PIGF: variants seen among roughly 807,000 people sequenced by gnomAD.
The protein encoded by PIGF is phosphatidylinositol glycan anchor biosynthesis class F.
Under a neutral mutation model 26.0 loss-of-function variants are expected in PIGF, and 23 were observed. The ratio of observed to expected loss-of-function variants is 0.88; its 90% CI spans 0.64 to 1.25. The LOEUF is 1.25. Among genes scored for constraint, PIGF ranks in the 50% most tolerant of loss-of-function variants. PIGF has a pLI of 0.00. For synonymous variants in PIGF, 93 were observed against 92.6 expected (o/e 1.00, Z -0.03); for missense variants, 278 against 249.9 (o/e 1.11, Z -0.76).
At position 46,598,529 on chromosome 2, in the gene PIGF, A is replaced by ATTTTTTTTTT. The variant is rs747263045; in HGVS notation, c.438-5956_438-5947dup. 6.9e-4 allele frequency among the ~76,000 whole-genome samples: 71 copies of ATTTTTTTTTT among 103,502 alleles called. 6 individuals are homozygous for ATTTTTTTTTT. The highest frequency in any genetic ancestry group is 2.9e-3 in the African/African-American group (65 of 22,398). The allele number at this position is 103,502 out of a possible 152,430, so 67.9% of individuals were successfully genotyped here. A position where few individuals can be genotyped will look rare whatever the true frequency, so the allele number is the denominator to read the frequency against. On this transcript the variant is annotated intron_variant, in intron 4 of 5. Coordinates refer to ENST00000281382, the MANE Select transcript of PIGF (RefSeq NM_002643.4). Reference sequence around the variant, plus strand: ...ATAAACTTTCTTAAAACATTATGAGATTTTTTTTTTTTTTTTTTTTTTTTA... The same window carrying ATTTTTTTTTT: ...ATAAACTTTCTTAAAACATTATGAGATTTTTTTTTTTTTTTTTTTTTTTTTTTTTTTTTTA...
chr2:46,589,659 A>C lies in PIGF; in HGVS notation c.546+2816T>G, dbSNP rs532174242. Among the ~76,000 whole-genome samples, 4 of 152,130 alleles carry C rather than the reference A, an allele frequency of 2.6e-5. No individual in the cohort carries two copies. In the South Asian group the frequency reaches 8.3e-4, roughly 32 times the overall value. ...TGGGCTACAAGGAACACAGAACAAG[A>C]ATCTCTTAATACATGTTCTATTTTA... On this transcript the variant is annotated intron_variant, in intron 5 of 5. Coordinates refer to ENST00000281382, the MANE Select transcript of PIGF (RefSeq NM_002643.4). The surrounding 1 kb of genome is among the most constrained non-coding windows in gnomAD (Gnocchi z 4.7).
At chr2:46,582,064 G>T (rs1669404530) in intron 5 of PIGF, 1 of 155,100 alleles carries the variant, frequency 6.4e-6, no homozygotes, top group African/African-American at 2.4e-5. Flanking sequence ...CATGAAAATT[G>T]TAACAGAGCA....
chr2:46,601,186 T>G (rs1322207211), intron 4 of PIGF, among the ~76,000 whole-genome samples: 2 of 152,098 alleles, frequency 1.3e-5, no homozygotes, highest in Non-Finnish European at 2.9e-5. Flanking sequence ...CTACGGTTAT[T>G]GGCTAATTTT....
At chr2:46,615,436 G>T in intron 1 of PIGF, 1 of 297,946 alleles carries the variant, frequency 3.4e-6, no homozygotes, top group South Asian at 4.1e-5. Context: ...CTTAAATATT[G>T]TGACTGGTTT....
At chr2:46,600,593 G>A (rs1225369959) in intron 4 of PIGF, among the ~76,000 whole-genome samples, 1 of 152,040 alleles carries the variant, frequency 6.6e-6, no homozygotes, top group East Asian at 1.9e-4. Context: ...TCAATGATTA[G>A]GAAAACTCAA....
intron 4 of PIGF, among the ~76,000 whole-genome samples, chr2:46,599,163 G>GT (rs1265469378): frequency 6.6e-6 from 1 of 152,198 alleles, no homozygotes; most frequent in Non-Finnish European, 1.5e-5. Context: ...AACAGGCTCA[G>GT]TATCTGGGGA....
chr2:46,615,141 T>A lies in PIGF; in HGVS notation c.24A>T (p.Arg8Ser). 1.3e-6 allele frequency: 2 copies of A among 1,527,958 alleles called. No individual in the cohort carries two copies. Among genetic ancestry groups the A allele is most frequent in the East Asian group, 2.3e-5 (1 of 44,410 alleles). The allele number at this position is 1,527,958 out of a possible 1,614,324, so 94.7% of individuals were successfully genotyped here. A position where few individuals can be genotyped will look rare whatever the true frequency, so the allele number is the denominator to read the frequency against. Residue 8 changes from arginine to serine, a missense_variant, in exon 2 of 6, where the codon AGA (arginine) becomes AGT (serine). Physicochemically the swap from Arg to Ser is moderately radical, Grantham distance 110 (BLOSUM62 -1). Coordinates refer to ENST00000281382, the MANE Select transcript of PIGF (RefSeq NM_002643.4). ...TGCATAAAAGATGGGTATACAGTAG[T>A]CTCTTGATATCGTTATCTTTCATGG... is the stretch of plus-strand genomic sequence containing the variant. MKDNDIK[R>S]LLYTHLLCIF...
intron 4 of PIGF, among the ~76,000 whole-genome samples, chr2:46,604,402 C>G (rs1255208993): frequency 6.6e-6 from 1 of 151,854 alleles, no homozygotes; most frequent in Non-Finnish European, 1.5e-5. Context: ...GATAGCTGGA[C>G]TCCCATGTTT....
At chr2:46,605,882 T>C (rs1449096448) in intron 4 of PIGF, among the ~76,000 whole-genome samples, 1 of 152,196 alleles carries the variant, frequency 6.6e-6, no homozygotes, top group African/African-American at 2.4e-5. Flanking sequence ...GAAAATGCTT[T>C]AAAAGTTATT....
chr2:46,606,865 T>C (rs1348547620), intron 4 of PIGF, among the ~76,000 whole-genome samples: 1 of 152,230 alleles, frequency 6.6e-6, no homozygotes, highest in South Asian at 2.1e-4. Context: ...GTCCATCAAC[T>C]GATAAATGGG....
chr2:46,612,443 T>C (rs1025955684), intron 3 of PIGF, 99 bp from the exon 4 acceptor site: 15 of 414,696 alleles, frequency 3.6e-5, no homozygotes, highest in Middle Eastern at 1.0e-3. Flanking sequence ...TATCTTCCTA[T>C]GCTTTACTTT....
chr2:46,581,350 C>A lies in PIGF; in HGVS notation c.*128G>T. ...CTCAGGGGTTTCATAGTTTAAAAAG[C>A]TACAATCACATCATGTTGTAACTAC... On this transcript the variant is annotated 3_prime_UTR_variant, in exon 6 of 6. Transcript: ENST00000281382. The A allele has an allele frequency of 7.2e-7, 1 of 1,396,324 alleles. No homozygotes were observed. The highest frequency in any genetic ancestry group is 9.6e-7 in the Non-Finnish European group (1 of 1,044,378). The allele number at this position is 1,396,324 out of a possible 1,614,324, so 86.5% of individuals were successfully genotyped here. A position where few individuals can be genotyped will look rare whatever the true frequency, so the allele number is the denominator to read the frequency against.
At chr2:46,613,858 C>T (rs1670507299) in intron 2 of PIGF, 73 bp from the exon 3 acceptor site, 5 of 1,265,948 alleles carry the variant, frequency 3.9e-6, no homozygotes, top group Non-Finnish European at 5.5e-6. Context: ...ATTTCATCTA[C>T]AAACACAACT....
chr2:46,596,429 A>G (rs989692309), intron 4 of PIGF, among the ~76,000 whole-genome samples: 1 of 152,172 alleles, frequency 6.6e-6, no homozygotes, highest in Non-Finnish European at 1.5e-5. Context: ...TAATAAATGT[A>G]GAAAAAATGG....
intron 4 of PIGF, among the ~76,000 whole-genome samples, chr2:46,609,403 A>T (rs35682608): frequency 0.23 from 34,682 of 152,218 alleles, 4,815 homozygotes; most frequent in Admixed American, 0.32. Flanking sequence ...CATCAGCAGT[A>T]AGGCTGTTCC....
intron 4 of PIGF, among the ~76,000 whole-genome samples, chr2:46,596,368 C>T (rs548226087): frequency 1.4e-4 from 21 of 152,140 alleles, no homozygotes; most frequent in Non-Finnish European, 8.8e-5. Flanking sequence ...TATGATCATC[C>T]AAGAGGTTGC....
At chr2:46,586,066 GC>G (rs1669563313) in intron 5 of PIGF, among the ~76,000 whole-genome samples, 1 of 152,048 alleles carries the variant, frequency 6.6e-6, no homozygotes, top group South Asian at 2.1e-4. Flanking sequence ...GAGCCACCGC[GC>G]CCAGCCATAA....
rs1454609952 is a variant in PIGF at position 46,588,151 on chromosome 2, T to A, written c.546+4324A>T. The stretch of plus-strand genomic sequence containing the variant: ...CCTGCAGGGTACATGGAGAGATCTA[T>A]AAGTGCTACGTTTTCTTTCTACTGT... On this transcript the variant is annotated intron_variant, in intron 5 of 5. Coordinates refer to ENST00000281382, the MANE Select transcript of PIGF (RefSeq NM_002643.4). This position sits in a 1 kb window ranked among gnomAD's most constrained non-coding sequence, Gnocchi z 4.1. 3 of 1,613,122 alleles carry A rather than the reference T, an allele frequency of 1.9e-6. No individual in the cohort carries two copies. Among genetic ancestry groups the A allele is most frequent in the Non-Finnish European group, 2.5e-6 (3 of 1,179,562 alleles).
rs766879170 is a variant in PIGF, at chr2:46,613,691, TACTC to T, written c.319_320+2del. On this transcript the variant is annotated splice_donor_variant and coding_sequence_variant, in exon 3 of 6. Transcript: ENST00000281382. LOFTEE classifies it high-confidence loss of function. ...AAATTTAGGGTAAAAATTTCAAACT[TACTC>T]TATCAGTGGTGCTCCATACAGAACA... 1.3e-6 allele frequency: 2 copies of T among 1,518,134 alleles called. No individual in the cohort carries two copies. Among genetic ancestry groups the T allele is most frequent in the Non-Finnish European group, 1.8e-6 (2 of 1,122,982 alleles). 94.0% of individuals were successfully genotyped at this position (1,518,134 alleles called of 1,614,324 possible).
Sources: allele counts gnomAD v4.1 joint callset (sites outside exome capture counted in the v4.1 genomes callset), GRCh38; gene constraint gnomAD v4.1.1; non-coding constraint Gnocchi (gnomAD v3.1); transcripts MANE v1.5; gene names NCBI Gene and HGNC (gene_info 2026-07-23, HGNC 2026-07-21).